The following MAML2 variants were observed in gnomAD, a reference collection of about 807,000 sequenced individuals.
MAML2 encodes the protein mastermind-like protein 2.
A neutral mutation model predicts 96.1 loss-of-function variants in MAML2; 22 were observed. The observed-to-expected ratio is 0.23, with a 90% CI of 0.16 to 0.33. The LOEUF is 0.33. Among genes scored for constraint, MAML2 ranks in the 10% least tolerant of loss-of-function variants. The pLI is 1.00. For synonymous variants in MAML2, 561 were observed against 521.3 expected (o/e 1.08, Z -1.04); for missense variants, 1,367 against 1,392.4 (o/e 0.98, Z 0.29).
At chr11:96,252,422 ACT>A (rs1351039354) in intron 1 of MAML2, among the ~76,000 whole-genome samples, 4 of 132,298 alleles carry the variant, frequency 3.0e-5, no homozygotes, top group African/African-American at 7.9e-5. Flanking sequence ...ACCTTGACTA[ACT>A]CTTTTTTTTT....
chr11:96,049,873 A>C (rs1211852424), intron 2 of MAML2, among the ~76,000 whole-genome samples: 1 of 152,188 alleles, frequency 6.6e-6, no homozygotes, highest in Non-Finnish European at 1.5e-5. Context: ...ACTGGTCAAA[A>C]ATTTCCCTAA....
At chr11:96,082,104 A>G (rs1318221058) in intron 2 of MAML2, among the ~76,000 whole-genome samples, 3 of 152,128 alleles carry the variant, frequency 2.0e-5, no homozygotes, top group South Asian at 2.1e-4. Flanking sequence ...TTGGTGGTAC[A>G]AAGATCAATT....
chr11:96,017,295 T>G (rs1211423772), intron 2 of MAML2, among the ~76,000 whole-genome samples: 1 of 152,184 alleles, frequency 6.6e-6, no homozygotes, highest in Non-Finnish European at 1.5e-5. Context: ...CCTTGATTTC[T>G]GAAAAAGTGC....
chr11:96,097,315 G>A (rs1467446095), intron 1 of MAML2, among the ~76,000 whole-genome samples: 7 of 152,156 alleles, frequency 4.6e-5, no homozygotes, highest in Admixed American at 3.9e-4. Context: ...CCTAACCAGG[G>A]GAATGGTAGA....
At position 96,166,177 on chromosome 11, in the gene MAML2, T is replaced by TCTCTCTCTCTCTCA. The variant is rs530578845; in HGVS notation, c.514-72661_514-72660insTGAGAGAGAGAGAG. 2.7e-5 allele frequency among the ~76,000 whole-genome samples: 3 copies of TCTCTCTCTCTCTCA among 110,330 alleles called. No homozygotes were observed. The East Asian group carries it at 6.9e-4, about 25-fold the overall frequency. 72.4% of individuals were successfully genotyped at this position (110,330 alleles called of 152,430 possible). On this transcript the variant is annotated intron_variant, in intron 1 of 4. Coordinates refer to ENST00000524717, the MANE Select transcript of MAML2 (RefSeq NM_032427.4). ...CTGTCTCTCTCTCTCTCTCTCTCTC[T>TCTCTCTCTCTCTCA]CACACACACACACACACACACACAC...
At chr11:96,032,548 C>T (rs141929462) in intron 2 of MAML2, among the ~76,000 whole-genome samples, 44 of 139,544 alleles carry the variant, frequency 3.2e-4, no homozygotes, top group Admixed American at 2.6e-3. Flanking sequence ...GACTATGCCA[C>T]TGCACTCTAG....
At chr11:96,250,293 A>AT (rs36006313) in intron 1 of MAML2, among the ~76,000 whole-genome samples, 14,486 of 151,954 alleles carry the variant, frequency 0.095, 828 homozygotes, top group African/African-American at 0.16. Flanking sequence ...ATTGAAAAAA[A>AT]TGTACATATT....
chr11:96,145,639 A>C (rs1461813748), intron 1 of MAML2, among the ~76,000 whole-genome samples: 4 of 152,218 alleles, frequency 2.6e-5, no homozygotes, highest in African/African-American at 9.7e-5. Context: ...TTGTGTTAAA[A>C]TAAATCCTCT....
intron 1 of MAML2, among the ~76,000 whole-genome samples, chr11:96,284,964 A>G (rs990021218): frequency 1.6e-4 from 24 of 152,332 alleles, no homozygotes; most frequent in Admixed American, 7.2e-4. Context: ...ATTGTGCCGT[A>G]TATGGCTGGA....
chr11:96,061,318 A>G (rs1239648386), intron 2 of MAML2, among the ~76,000 whole-genome samples: 5 of 152,144 alleles, frequency 3.3e-5, no homozygotes, highest in Admixed American at 2.6e-4. Context: ...AGATGGTGCA[A>G]TTTCAACAGT....
In MAML2 at chr11:96,066,964, G is replaced by A. The variant is rs117622392; in HGVS notation, c.2139+24928C>T. On this transcript the variant is annotated intron_variant, in intron 2 of 4. Coordinates refer to ENST00000524717, the MANE Select transcript of MAML2 (RefSeq NM_032427.4). ...TGGAGGATAGAGAAATAGAGAGAGC[G>A]GAGGGAGCTGTGGTAGGAGCAGTGG... Among the ~76,000 whole-genome samples, 36 of 152,278 alleles carry A rather than the reference G, an allele frequency of 2.4e-4. No homozygotes were observed. In the East Asian group the frequency reaches 5.4e-3, roughly 23 times the overall value.
intron 2 of MAML2, among the ~76,000 whole-genome samples, chr11:96,003,775 A>G (rs1858134535): frequency 6.6e-6 from 1 of 152,208 alleles, no homozygotes; most frequent in South Asian, 2.1e-4. Flanking sequence ...TTAATTGAAT[A>G]TCATATAAAT....
In MAML2 at chr11:96,008,024, A is replaced by T. The variant is rs1052318857; in HGVS notation, c.2140-16301T>A. ...ACATGTACCCTAAAACTTAAAGTATAAAAAAAAAAAAAAAATTTTTCAGTG... is the reference window on the plus strand; with the variant it reads ...ACATGTACCCTAAAACTTAAAGTATTAAAAAAAAAAAAAAATTTTTCAGTG... On this transcript the variant is annotated intron_variant, in intron 2 of 4. Transcript: ENST00000524717. Among the ~76,000 whole-genome samples the T allele has an allele frequency of 7.6e-4, 73 of 95,958 alleles. 1 individual carries two copies. Among genetic ancestry groups the T allele is most frequent in the Admixed American group, 6.9e-3 (72 of 10,432 alleles). The allele number at this position is 95,958 out of a possible 152,430, so 63.0% of individuals were successfully genotyped here.
At chr11:96,176,452 A>T (rs1183018848) in intron 1 of MAML2, among the ~76,000 whole-genome samples, 1 of 152,110 alleles carries the variant, frequency 6.6e-6, no homozygotes, top group East Asian at 1.9e-4. Flanking sequence ...AAAGCAGGGG[A>T]CTCATCTTGA....
chr11:96,087,075 A>G (rs1229487409), intron 2 of MAML2, among the ~76,000 whole-genome samples: 1 of 152,200 alleles, frequency 6.6e-6, no homozygotes, highest in African/African-American at 2.4e-5. Context: ...ACCCTGAGCA[A>G]GTGATTTGAT....
At chr11:96,034,244 T>C (rs1858663709) in intron 2 of MAML2, among the ~76,000 whole-genome samples, 1 of 152,204 alleles carries the variant, frequency 6.6e-6, no homozygotes, top group South Asian at 2.1e-4. Context: ...TAAAGATATA[T>C]AATAACATAA....
chr11:96,113,658 G>C (rs937061655), intron 1 of MAML2, among the ~76,000 whole-genome samples: 12 of 151,544 alleles, frequency 7.9e-5, no homozygotes, highest in African/African-American at 2.9e-4. Flanking sequence ...TTTTCTATGG[G>C]TTTGCATTTG....
chr11:96,005,096 T>A (rs1415342266), intron 2 of MAML2, among the ~76,000 whole-genome samples: 1 of 152,238 alleles, frequency 6.6e-6, no homozygotes, highest in African/African-American at 2.4e-5. Flanking sequence ...CAAATGCCAG[T>A]GCATTGATCT....
At chr11:96,103,732 C>T (rs1000694507) in intron 1 of MAML2, among the ~76,000 whole-genome samples, 7 of 152,104 alleles carry the variant, frequency 4.6e-5, no homozygotes, top group Admixed American at 1.3e-4. Flanking sequence ...CTGCTTTAAG[C>T]GCGGTAAGCA....
Sources: allele counts gnomAD v4.1 joint callset (sites outside exome capture counted in the v4.1 genomes callset), GRCh38; gene constraint gnomAD v4.1.1; transcripts MANE v1.5; gene names NCBI Gene and HGNC (gene_info 2026-07-23, HGNC 2026-07-21).